Variants in MICU1 observed in about 807,000 individuals in gnomAD.
MICU1 encodes the protein calcium uptake protein 1, mitochondrial.
In MICU1, 45 loss-of-function variants were observed where a neutral mutation model predicts 56.8. The observed-to-expected ratio is 0.79, with a 90% confidence interval of 0.62 to 1.02. The LOEUF (loss-of-function observed/expected upper bound fraction) is 1.02, where lower values mean the gene tolerates loss of function less well. Among genes scored for constraint, MICU1 ranks in the 50% least tolerant of loss-of-function variants. The pLI, the probability that MICU1 is intolerant of heterozygous loss-of-function variation, is 0.00. For missense variants in MICU1, 504 were observed against 587.1 expected (o/e 0.86, Z 1.46); for synonymous variants, 186 against 195.1 (o/e 0.95, Z 0.39).
chr10:72,594,981 GAATAC>G (rs372843718), intron 1 of MICU1, among the ~76,000 whole-genome samples: 4 of 119,260 alleles, frequency 3.4e-5, no homozygotes, highest in African/African-American at 1.3e-4. Flanking sequence ...AAAGAAAATC[GAATAC>G]AAGACTTAGG....
chr10:72,508,094 C>T, intron 6 of MICU1, 61 bp downstream of exon 6: 2 of 758,236 alleles, frequency 2.6e-6, no homozygotes, highest in Non-Finnish European at 3.9e-6. Flanking sequence ...AACATATAAA[C>T]AATTATGTTT....
chr10:72,537,966 T>C (rs1839677784), intron 4 of MICU1, among the ~76,000 whole-genome samples: 3 of 152,144 alleles, frequency 2.0e-5, no homozygotes, highest in Non-Finnish European at 4.4e-5. Flanking sequence ...CAAGGGAGCA[T>C]ACAATTAGTT....
intron 9 of MICU1, among the ~76,000 whole-genome samples, chr10:72,421,256 T>C (rs1437173580): frequency 1.3e-5 from 2 of 151,754 alleles, no homozygotes; most frequent in Non-Finnish European, 2.9e-5. Flanking sequence ...CTTTCTTTTT[T>C]TCTTTATCTT....
intron 8 of MICU1, among the ~76,000 whole-genome samples, chr10:72,468,833 T>C (rs965361791): frequency 2.6e-5 from 4 of 152,216 alleles, no homozygotes; most frequent in African/African-American, 9.6e-5. Context: ...TCCAGAAATT[T>C]GGTCTTTTTC....
At chr10:72,605,606 G>C (rs1364410148) in intron 1 of MICU1, among the ~76,000 whole-genome samples, 2 of 152,154 alleles carry the variant, frequency 1.3e-5, no homozygotes, top group African/African-American at 4.8e-5. Flanking sequence ...TAATATAATA[G>C]AATGCTGCTG....
At chr10:72,524,101 A>C in intron 5 of MICU1, 1 of 639,710 alleles carries the variant, frequency 1.6e-6, no homozygotes, top group Non-Finnish European at 2.1e-6. Flanking sequence ...TTCAAGTAGG[A>C]ACATAATATC....
intron 4 of MICU1, among the ~76,000 whole-genome samples, chr10:72,546,278 C>G (rs1441010994): frequency 6.6e-6 from 1 of 152,204 alleles, no homozygotes; most frequent in Non-Finnish European, 1.5e-5. Flanking sequence ...TAAGTTTAGA[C>G]TAAAGCTGCC....
intron 10 of MICU1, among the ~76,000 whole-genome samples, chr10:72,383,061 G>A (rs1436385725): frequency 1.3e-5 from 2 of 152,104 alleles, no homozygotes; most frequent in East Asian, 1.9e-4. Context: ...GGGCAATAGA[G>A]GAAGACCTCA....
Position 72,566,658 on chromosome 10 carries a change from C to T in MICU1, c.136G>A (p.Ala46Thr). Residue 46 changes from alanine to threonine, a missense_variant, in exon 2 of 12, where the codon GCA (alanine) becomes ACA (threonine). Transcript: ENST00000361114. ...CTCTTCCACAAAAGACCAGTACTTG[C>T]AGTTACTGCAGATGCTCCCAGGAAA... Reference protein sequence around the residue: ...VAFLGASAVTASTGLLWKRAH... With the variant: ...VAFLGASAVTTSTGLLWKRAH... 6.2e-7 allele frequency: 1 copy of T among 1,612,772 alleles called. No individual in the cohort carries two copies. Among genetic ancestry groups the T allele is most frequent in the Non-Finnish European group, 8.5e-7 (1 of 1,179,376 alleles).
At chr10:72,526,155 T>C (rs1471383945) in intron 5 of MICU1, among the ~76,000 whole-genome samples, 2 of 152,032 alleles carry the variant, frequency 1.3e-5, no homozygotes, top group South Asian at 2.1e-4. Flanking sequence ...ACTGAGTAAA[T>C]GTTTTAAAAA....
At chr10:72,400,149 AC>A (rs1252258661) in intron 10 of MICU1, among the ~76,000 whole-genome samples, 38 of 152,324 alleles carry the variant, frequency 2.5e-4, no homozygotes, top group Admixed American at 2.5e-3. Context: ...TGCAATTTGT[AC>A]CACTGCCTCT....
intron 6 of MICU1, among the ~76,000 whole-genome samples, chr10:72,503,202 G>A (rs773675925): frequency 3.3e-5 from 5 of 152,150 alleles, no homozygotes; most frequent in Non-Finnish European, 5.9e-5. Context: ...AGCGGGAGAG[G>A]AAGGGAGATC....
intron 1 of MICU1, among the ~76,000 whole-genome samples, chr10:72,594,081 T>C (rs1218735767): frequency 1.3e-5 from 2 of 151,966 alleles, no homozygotes; most frequent in African/African-American, 4.8e-5. Context: ...AGAGAAACAA[T>C]AAGGGGATCT....
At chr10:72,378,955 A>G (rs1036338736) in intron 10 of MICU1, among the ~76,000 whole-genome samples, 1 of 152,164 alleles carries the variant, frequency 6.6e-6, no homozygotes, top group Non-Finnish European at 1.5e-5. Flanking sequence ...AGTTAGGGTG[A>G]AGAGGAAATT....
At chr10:72,471,925 T>C (rs928158667) in intron 8 of MICU1, among the ~76,000 whole-genome samples, 1 of 105,452 alleles carries the variant, frequency 9.5e-6, no homozygotes, top group African/African-American at 4.4e-5. Context: ...GTAAGCACTA[T>C]GCCTTTGTGT....
At chr10:72,593,491 T>A (rs1357614922) in intron 1 of MICU1, among the ~76,000 whole-genome samples, 2 of 147,934 alleles carry the variant, frequency 1.4e-5, no homozygotes, top group Non-Finnish European at 3.0e-5. Context: ...GCTACTGTAC[T>A]ACAGTCTGGG....
chr10:72,496,308 T>C (rs534204226), intron 6 of MICU1, among the ~76,000 whole-genome samples: 33 of 151,590 alleles, frequency 2.2e-4, no homozygotes, highest in African/African-American at 7.3e-4. Flanking sequence ...TCCTTTTTTT[T>C]TTTTTTTTTC....
rs1864035432 is a variant in MICU1, at chr10:72,417,879, T to TG, written c.1071+5354dup. 2.0e-5 allele frequency among the ~76,000 whole-genome samples: 3 copies of TG among 152,324 alleles called. No homozygotes were observed. In the South Asian group the frequency reaches 6.2e-4, roughly 32 times the overall value. ...CCTTTGTATTAGTTCGTTCTTATGC[T>TG]GTTAATAAAGACATACCTGAGACCA... is the stretch of plus-strand genomic sequence containing the variant. On this transcript the variant is annotated intron_variant, in intron 9 of 11. Coordinates refer to ENST00000361114, the MANE Select transcript of MICU1 (RefSeq NM_001195518.2).
intron 11 of MICU1, among the ~76,000 whole-genome samples, chr10:72,370,277 T>C (rs975289320): frequency 4.6e-5 from 7 of 152,088 alleles, no homozygotes; most frequent in South Asian, 2.1e-4. Context: ...CAGGGGCCTG[T>C]TGATTAAAAT....
Sources: gnomAD v4.1 joint callset for allele counts (sites outside exome capture counted in the v4.1 genomes callset) on GRCh38, gnomAD v4.1.1 for gene constraint, MANE v1.5 for transcripts, NCBI Gene and HGNC (gene_info 2026-07-23, HGNC 2026-07-21) for gene names.